Variants in LRRC4C observed in about 807,000 individuals in gnomAD.
LRRC4C encodes leucine-rich repeat-containing protein 4C.
LRRC4C carries 5 observed loss-of-function variants against 33.6 expected under a neutral mutation model. That is an observed-to-expected ratio of 0.15 (90% CI 0.08 to 0.31). The LOEUF (loss-of-function observed/expected upper bound fraction) is 0.31, where lower values mean the gene tolerates loss of function less well. LRRC4C is among the 10% of genes least tolerant of loss of function. The pLI, the probability that LRRC4C is intolerant of heterozygous loss-of-function variation, is 1.00. For synonymous variants in LRRC4C, 329 were observed against 302.0 expected, an observed-to-expected ratio of 1.09 and a Z score of -0.93; for missense variants, 560 against 796.7, an observed-to-expected ratio of 0.70 and a Z score of 3.58.
chr11:40,801,646 A>G (rs1951047081), intron 2 of LRRC4C, among the ~76,000 whole-genome samples: 1 of 152,184 alleles, frequency 6.6e-6, no homozygotes, highest in Non-Finnish European at 1.5e-5. Flanking sequence ...TTTATATCTA[A>G]TAATTTTTTA....
chr11:40,436,063 C>G (rs1951126633), intron 3 of LRRC4C, among the ~76,000 whole-genome samples: 1 of 152,054 alleles, frequency 6.6e-6, no homozygotes, highest in African/African-American at 2.4e-5. Flanking sequence ...TTGTTCAAGC[C>G]CTACTACTTA....
At chr11:40,345,200 C>G (rs938290690) in intron 3 of LRRC4C, among the ~76,000 whole-genome samples, 1 of 152,000 alleles carries the variant, frequency 6.6e-6, no homozygotes, top group Non-Finnish European at 1.5e-5. Context: ...AAATACTATT[C>G]TAAAATTCAT....
intron 1 of LRRC4C, among the ~76,000 whole-genome samples, chr11:41,202,788 A>AT (rs34535654): frequency 0.012 from 1,656 of 142,862 alleles, 17 homozygotes; most frequent in African/African-American, 0.028. Flanking sequence ...TTGAAAACCG[A>AT]TTTTTTTTTT....
chr11:41,226,777 C>CACACACACACACA (rs1565496331), intron 1 of LRRC4C, among the ~76,000 whole-genome samples: 25 of 150,698 alleles, frequency 1.7e-4, no homozygotes, highest in Admixed American at 2.7e-4. Context: ...CACACACACA[C>CACACACACACACA]CCTTCTCTCT....
chr11:41,450,016 C>G (rs1490840324), intron 1 of LRRC4C, among the ~76,000 whole-genome samples: 2 of 152,130 alleles, frequency 1.3e-5, no homozygotes, highest in African/African-American at 4.8e-5. Context: ...CAAACTGTCT[C>G]TCTCATCTCT....
chr11:40,536,561 A>C (rs1319951990), intron 3 of LRRC4C, among the ~76,000 whole-genome samples: 3 of 152,164 alleles, frequency 2.0e-5, no homozygotes, highest in Non-Finnish European at 2.9e-5. Context: ...ACGTCTATCC[A>C]ATCAAGCTAT....
chr11:40,639,767 GT>G (rs1435947954), intron 3 of LRRC4C, among the ~76,000 whole-genome samples: 1 of 152,178 alleles, frequency 6.6e-6, no homozygotes, highest in East Asian at 1.9e-4. Flanking sequence ...TGAATATGGA[GT>G]TAAAGATGTA....
intron 1 of LRRC4C, among the ~76,000 whole-genome samples, chr11:41,094,413 A>G (rs964262281): frequency 1.3e-5 from 2 of 151,748 alleles, no homozygotes. Flanking sequence ...AGTCTCAGCT[A>G]CTCGGGAGGC....
At chr11:41,450,521 T>G (rs932088124) in intron 1 of LRRC4C, among the ~76,000 whole-genome samples, 1 of 152,172 alleles carries the variant, frequency 6.6e-6, no homozygotes, top group African/African-American at 2.4e-5. Context: ...CAGACGCAAC[T>G]AGGCAGACAT....
At chr11:41,006,734 A>G (rs7123932) in intron 1 of LRRC4C, among the ~76,000 whole-genome samples, 26,446 of 152,154 alleles carry the variant, frequency 0.17, 2,604 homozygotes, top group African/African-American at 0.26. Flanking sequence ...GAGACTAGAG[A>G]AAGAAAAAGC....
intron 1 of LRRC4C, among the ~76,000 whole-genome samples, chr11:41,385,290 T>A (rs1475159737): frequency 3.3e-5 from 5 of 151,590 alleles, no homozygotes; most frequent in Admixed American, 2.6e-4. Flanking sequence ...TCTACCCAAA[T>A]ACTGCAGAAT....
chr11:40,956,866 A>C (rs1565240877), intron 1 of LRRC4C, among the ~76,000 whole-genome samples: 1 of 151,776 alleles, frequency 6.6e-6, no homozygotes, highest in Non-Finnish European at 1.5e-5. Flanking sequence ...TGTTATATGA[A>C]TAAAGTAAAA....
chr11:40,428,294 G>A (rs145223064), intron 3 of LRRC4C, among the ~76,000 whole-genome samples: 26 of 152,176 alleles, frequency 1.7e-4, no homozygotes, highest in Non-Finnish European at 3.2e-4. Context: ...TTGCAGTATT[G>A]AAGAGTTGGC....
At chr11:41,397,528 G>A (rs899019419) in intron 1 of LRRC4C, among the ~76,000 whole-genome samples, 4 of 151,804 alleles carry the variant, frequency 2.6e-5, no homozygotes, top group African/African-American at 9.7e-5. Flanking sequence ...ACTGTTGGGT[G>A]TTATTGATAA....
chr11:40,751,625 T>C (rs994716049), intron 2 of LRRC4C, among the ~76,000 whole-genome samples: 1 of 151,896 alleles, frequency 6.6e-6, no homozygotes, highest in Non-Finnish European at 1.5e-5. Context: ...TAAAAACACA[T>C]CCCATGCTCA....
chr11:40,464,798 C>T (rs920014494), intron 3 of LRRC4C, among the ~76,000 whole-genome samples: 11 of 151,644 alleles, frequency 7.3e-5, no homozygotes, highest in East Asian at 3.9e-4. Flanking sequence ...AAAACACTGA[C>T]GCAAATAATT....
At chr11:40,554,477 C>CT (rs1253750753) in intron 3 of LRRC4C, among the ~76,000 whole-genome samples, 1 of 152,006 alleles carries the variant, frequency 6.6e-6, no homozygotes, top group South Asian at 2.1e-4. Flanking sequence ...TTTAGAATAG[C>CT]TTTTTTTCTA....
At chr11:41,419,239 TG>T (rs1954792669) in intron 1 of LRRC4C, among the ~76,000 whole-genome samples, 1 of 151,932 alleles carries the variant, frequency 6.6e-6, no homozygotes, top group South Asian at 2.1e-4. Context: ...ATACAGCTCC[TG>T]ATGAACAAGC....
chr11:40,492,800 T>C (rs796253145), intron 3 of LRRC4C, among the ~76,000 whole-genome samples: 30 of 152,262 alleles, frequency 2.0e-4, no homozygotes, highest in African/African-American at 6.5e-4. Flanking sequence ...TCTTTCTCTA[T>C]ATATACAGAT....
Sources: allele counts gnomAD v4.1 joint callset (sites outside exome capture counted in the v4.1 genomes callset), GRCh38; gene constraint gnomAD v4.1.1; transcripts MANE v1.5; gene names NCBI Gene and HGNC (gene_info 2026-07-23, HGNC 2026-07-21).